MBD5: variants seen among roughly 807,000 people sequenced by gnomAD.
MBD5 encodes methyl-CpG-binding domain protein 5.
MBD5 carries 13 observed loss-of-function variants against 117.3 expected under a neutral mutation model. That is an observed-to-expected ratio of 0.11 (90% CI 0.07 to 0.18). The LOEUF (loss-of-function observed/expected upper bound fraction) is 0.18. MBD5 is among the 10% of genes least tolerant of loss of function. MBD5 has a pLI of 1.00. For missense variants in MBD5, 1,879 were observed against 2,093.8 expected (o/e 0.90, Z 2.00); for synonymous variants, 727 against 766.4 (o/e 0.95, Z 0.85).
intron 1 of MBD5, among the ~76,000 whole-genome samples, chr2:148,124,834 G>A (rs1696852725): frequency 6.6e-6 from 1 of 151,320 alleles, no homozygotes; most frequent in Admixed American, 6.6e-5. Flanking sequence ...CAGAAAGATT[G>A]GTATTTAATA....
intron 9 of MBD5, 134 bp from the exon 10 acceptor site, chr2:148,485,608 G>C (rs999784676): frequency 1.4e-6 from 1 of 696,036 alleles, no homozygotes; most frequent in Non-Finnish European, 2.5e-6. Context: ...AAGACTTTGA[G>C]AAGTAAAAAA....
intron 4 of MBD5, among the ~76,000 whole-genome samples, chr2:148,430,780 A>G (rs766558633): frequency 1.3e-5 from 2 of 152,260 alleles, no homozygotes; most frequent in Admixed American, 1.3e-4. Flanking sequence ...ACTCTAAACA[A>G]CTTCATCATT....
chr2:148,329,157 A>G (rs1702562586), intron 3 of MBD5, among the ~76,000 whole-genome samples: 1 of 152,214 alleles, frequency 6.6e-6, no homozygotes, highest in Non-Finnish European at 1.5e-5. Context: ...GATAAAACCA[A>G]GGATATATCA....
chr2:148,435,580 C>G (rs1391626780), intron 4 of MBD5, among the ~76,000 whole-genome samples: 1 of 152,104 alleles, frequency 6.6e-6, no homozygotes, highest in African/African-American at 2.4e-5. Flanking sequence ...CCAATGTCTT[C>G]TGGTTTGTAG....
chr2:148,355,627 C>T (rs1293935267), intron 4 of MBD5, among the ~76,000 whole-genome samples: 1 of 152,060 alleles, frequency 6.6e-6, no homozygotes, highest in Non-Finnish European at 1.5e-5. Flanking sequence ...CTGTTCTGTT[C>T]CATTGGTCTA....
Position 148,463,729 on chromosome 2 carries a change from C to CT in MBD5, c.217-5dup, listed in dbSNP as rs1279172393. On this transcript the variant is annotated splice_polypyrimidine_tract_variant and intron_variant, in intron 6 of 13. Transcript: ENST00000642680. ...AGACATATTCTAAACAAAGGCTGTGCTTTTTCCAGGTATTTAATTTTGATC... is the reference window on the plus strand; with the variant it reads ...AGACATATTCTAAACAAAGGCTGTGCTTTTTTCCAGGTATTTAATTTTGATC... 6.2e-7 allele frequency: 1 copy of CT among 1,613,182 alleles called. No homozygotes were observed. The highest frequency in any genetic ancestry group is 1.3e-5 in the African/African-American group (1 of 74,846).
chr2:148,483,720 C>T lies in MBD5; in HGVS notation c.3129C>T (p.Asn1043=). 2 of 1,550,628 alleles carry T rather than the reference C, an allele frequency of 1.3e-6. No individual in the cohort carries two copies. The highest frequency in any genetic ancestry group is 2.4e-5 in the East Asian group (1 of 40,924). ...ATTTGCCAAGCAATCAGTCAGACAACAGCCGAGCTGAGACCCTTTTAACCA... is the reference window on the plus strand; with the variant it reads ...ATTTGCCAAGCAATCAGTCAGACAATAGCCGAGCTGAGACCCTTTTAACCA... ...PDHLPSNQSD[N]SRAETLLTSP... Residue 1043 remains asparagine, a synonymous_variant, in exon 9 of 14, where the codon AAC becomes AAT. Coordinates refer to ENST00000642680, the MANE Select transcript of MBD5 (RefSeq NM_001378120.1).
At chr2:148,185,068 T>C (rs1698621017) in intron 2 of MBD5, among the ~76,000 whole-genome samples, 1 of 152,242 alleles carries the variant, frequency 6.6e-6, no homozygotes, top group South Asian at 2.1e-4. Flanking sequence ...CTGAGGGCAT[T>C]TGGACTGTAG....
chr2:148,410,120 T>A (rs1462274117), intron 4 of MBD5, among the ~76,000 whole-genome samples: 1 of 152,172 alleles, frequency 6.6e-6, no homozygotes, highest in African/African-American at 2.4e-5. Context: ...AATGATACAT[T>A]ACCTTCCCAG....
In MBD5 at chr2:148,515,284, A is replaced by T. The variant is rs1682323345; in HGVS notation, c.*2343A>T. On this transcript the variant is annotated 3_prime_UTR_variant, in exon 14 of 14. Coordinates refer to ENST00000642680, the MANE Select transcript of MBD5 (RefSeq NM_001378120.1). ...TCTTTTTGGTATTTTGAGCTAATTC[A>T]GTTTGTGCTTCCCTCCCATTGTATA... The T allele has an allele frequency of 6.6e-6, 1 of 152,128 alleles. No homozygotes were observed. The highest frequency in any genetic ancestry group is 1.5e-5 in the Non-Finnish European group (1 of 68,038). 9.4% of individuals were successfully genotyped at this position (152,128 alleles called of 1,614,324 possible).
chr2:148,475,505 A>G (rs1263158503), intron 8 of MBD5, among the ~76,000 whole-genome samples: 1 of 152,236 alleles, frequency 6.6e-6, no homozygotes, highest in East Asian at 1.9e-4. Context: ...CGTTGAGTCT[A>G]TGTAATCAAA....
chr2:148,403,789 A>G (rs1281013281), intron 4 of MBD5, among the ~76,000 whole-genome samples: 1 of 152,088 alleles, frequency 6.6e-6, no homozygotes, highest in Non-Finnish European at 1.5e-5. Context: ...ATTCTGTCCC[A>G]TGTGCAGATT....
rs1466314563 is a variant in MBD5, at chr2:148,515,076, G to C, written c.*2135G>C. ...TGGCTAGTATGTTTAAACCATTAAT[G>C]TCCATTTTTTTTGCACCAACCTGTT... On this transcript the variant is annotated 3_prime_UTR_variant, in exon 14 of 14. Transcript: ENST00000642680. The C allele has an allele frequency of 6.6e-6, 1 of 152,098 alleles. No homozygotes were observed. The highest frequency in any genetic ancestry group is 1.5e-5 in the Non-Finnish European group (1 of 68,012). The allele number at this position is 152,098 out of a possible 1,614,324, so 9.4% of individuals were successfully genotyped here. A position where few individuals can be genotyped will look rare whatever the true frequency, so the allele number is the denominator to read the frequency against.
chr2:148,366,990 A>G (rs535392436), intron 4 of MBD5, among the ~76,000 whole-genome samples: 1 of 152,272 alleles, frequency 6.6e-6, no homozygotes, highest in African/African-American at 2.4e-5. Context: ...TAAATTTAAT[A>G]TGGAACCAAA....
At chr2:148,291,065 A>G (rs562889538) in intron 3 of MBD5, among the ~76,000 whole-genome samples, 3 of 152,256 alleles carry the variant, frequency 2.0e-5, no homozygotes, top group African/African-American at 7.2e-5. Flanking sequence ...GTATGTGTCT[A>G]TCTTTTTGTA....
intron 12 of MBD5, among the ~76,000 whole-genome samples, 160 bp downstream of exon 12, chr2:148,502,669 G>C (rs1298742984): frequency 6.6e-6 from 1 of 152,192 alleles, no homozygotes; most frequent in Admixed American, 6.5e-5. Context: ...AGCCAAATTA[G>C]TGATTATGGA....
chr2:148,090,958 A>G (rs187099913), intron 1 of MBD5, among the ~76,000 whole-genome samples: 12 of 152,190 alleles, frequency 7.9e-5, no homozygotes, highest in African/African-American at 2.4e-4. Context: ...AAGATATGAT[A>G]AATGAATTCA....
chr2:148,033,678 C>A (rs1319928995), intron 1 of MBD5, among the ~76,000 whole-genome samples: 2 of 152,128 alleles, frequency 1.3e-5, no homozygotes, highest in Non-Finnish European at 2.9e-5. Flanking sequence ...ATGTACAAGT[C>A]TTCATTAAAT....
At chr2:148,430,287 T>C (rs116673190) in intron 4 of MBD5, among the ~76,000 whole-genome samples, 83 of 152,272 alleles carry the variant, frequency 5.5e-4, no homozygotes, top group Non-Finnish European at 9.1e-4. Context: ...ATAAGGGAAC[T>C]AAGGGAAGGG....
Sources: allele counts gnomAD v4.1 joint callset (sites outside exome capture counted in the v4.1 genomes callset), GRCh38; gene constraint gnomAD v4.1.1; transcripts MANE v1.5; gene names NCBI Gene and HGNC (gene_info 2026-07-23, HGNC 2026-07-21).